The following RPSA2 variants were observed in gnomAD, a reference collection of about 807,000 sequenced individuals.
RPSA2 encodes the protein small ribosomal subunit protein uS2B.
At chr19:23,825,438 A>G in the RPSA2 span, among the ~76,000 whole-genome samples, 4 of 152,166 alleles carry the variant, frequency 2.6e-5, no homozygotes, top group Non-Finnish European at 4.4e-5. Flanking sequence ...TGAATGAGCT[A>G]TACGTCTTTT....
At chr19:23,778,433 C>T in the RPSA2 span, among the ~76,000 whole-genome samples, 2 of 152,088 alleles carry the variant, frequency 1.3e-5, no homozygotes, top group Admixed American at 6.5e-5. Flanking sequence ...AGACTGGTCT[C>T]GAATTCCTGA....
chr19:23,770,085 ATTCT>A, the RPSA2 span, among the ~76,000 whole-genome samples: 1 of 151,998 alleles, frequency 6.6e-6, no homozygotes, highest in African/African-American at 2.4e-5. Context: ...AGGTCATGTG[ATTCT>A]TTCATTTTCC....
At chr19:23,846,269 A>C in the RPSA2 span, among the ~76,000 whole-genome samples, 2 of 152,156 alleles carry the variant, frequency 1.3e-5, no homozygotes, top group South Asian at 4.1e-4. Context: ...TATTCATTTC[A>C]TAAATCTATA....
chr19:23,830,139 C>T, the RPSA2 span, among the ~76,000 whole-genome samples: 55 of 151,660 alleles, frequency 3.6e-4, no homozygotes, highest in Non-Finnish European at 6.6e-4. Context: ...TTCATGACTC[C>T]ATAACATAGT....
the RPSA2 span, among the ~76,000 whole-genome samples, chr19:23,786,406 T>C: frequency 0.98 from 148,918 of 152,252 alleles, 72,923 homozygotes; most frequent in Middle Eastern, 1. Context: ...GATTGTGATT[T>C]ATCACTGGAT....
the RPSA2 span, among the ~76,000 whole-genome samples, chr19:23,820,234 T>A: frequency 2.6e-5 from 4 of 152,218 alleles, no homozygotes; most frequent in Non-Finnish European, 5.9e-5. Flanking sequence ...GCTCATGTGA[T>A]GGCAGTGAGC....
the RPSA2 span, among the ~76,000 whole-genome samples, chr19:23,848,782 T>A: frequency 6.6e-6 from 1 of 152,232 alleles, no homozygotes; most frequent in African/African-American, 2.4e-5. Flanking sequence ...TAATTTTTGA[T>A]TGATGCCTTG....
At chr19:23,770,572 T>C in the RPSA2 span, among the ~76,000 whole-genome samples, 1 of 152,240 alleles carries the variant, frequency 6.6e-6, no homozygotes, top group Non-Finnish European at 1.5e-5. Context: ...GAAATATCTT[T>C]GCATTCATTA....
the RPSA2 span, chr19:23,782,393 G>A: frequency 6.6e-6 from 1 of 152,046 alleles, no homozygotes; most frequent in African/African-American, 2.4e-5. Flanking sequence ...ACATACTGCT[G>A]GGCCTAGCAC....
the RPSA2 span, among the ~76,000 whole-genome samples, chr19:23,868,987 G>A: frequency 2.3e-4 from 35 of 152,262 alleles, no homozygotes; most frequent in African/African-American, 6.3e-4. Context: ...CTACTGGAGC[G>A]TCAAGGCCAG....
chr19:23,847,498 G>A, the RPSA2 span, among the ~76,000 whole-genome samples: 1 of 152,118 alleles, frequency 6.6e-6, no homozygotes, highest in Non-Finnish European at 1.5e-5. Flanking sequence ...AAACCAGCAG[G>A]TTTTTATTAA....
chr19:23,782,985 G>T, the RPSA2 span, among the ~76,000 whole-genome samples: 1 of 152,014 alleles, frequency 6.6e-6, no homozygotes, highest in Non-Finnish European at 1.5e-5. Flanking sequence ...CTACTGCTTG[G>T]GGTGTGCTTA....
At chr19:23,793,004 G>T in the RPSA2 span, among the ~76,000 whole-genome samples, 2 of 152,254 alleles carry the variant, frequency 1.3e-5, no homozygotes, top group Non-Finnish European at 2.9e-5. Flanking sequence ...TTGTATGGTG[G>T]CTCAGACTGA....
chr19:23,761,922 T>TCCTTCCTTCCTTCCTTCC, the RPSA2 span, among the ~76,000 whole-genome samples: 235 of 99,016 alleles, frequency 2.4e-3, 5 homozygotes, highest in Non-Finnish European at 2.5e-3. Context: ...CTTTCTTTCT[T>TCCTTCCTTCCTTCCTTCC]TTTTTTTTTT....
the RPSA2 span, among the ~76,000 whole-genome samples, chr19:23,855,009 A>G: frequency 1.3e-5 from 2 of 152,328 alleles, no homozygotes; most frequent in South Asian, 2.1e-4. Context: ...GCATCTTGTA[A>G]TTTAACCAAA....
At chr19:23,860,934 T>G in the RPSA2 span, among the ~76,000 whole-genome samples, 1 of 152,286 alleles carries the variant, frequency 6.6e-6, no homozygotes, top group South Asian at 2.1e-4. Context: ...CTAGACACAC[T>G]GGTGACCCCA....
the RPSA2 span, among the ~76,000 whole-genome samples, chr19:23,775,812 A>G: frequency 3.9e-5 from 6 of 152,240 alleles, no homozygotes; most frequent in Non-Finnish European, 2.9e-5. Context: ...AATTCATTCT[A>G]AAAATTGTGA....
At chr19:23,849,860 A>G in the RPSA2 span, among the ~76,000 whole-genome samples, 1 of 152,126 alleles carries the variant, frequency 6.6e-6, no homozygotes, top group Non-Finnish European at 1.5e-5. Context: ...CAACATTTTT[A>G]GGACATAGTT....
At chr19:23,856,962 G>A in the RPSA2 span, among the ~76,000 whole-genome samples, 1 of 152,190 alleles carries the variant, frequency 6.6e-6, no homozygotes, top group African/African-American at 2.4e-5. Flanking sequence ...TTTGAGAGCA[G>A]AGAACTGGTC....
Sources: gnomAD v4.1 joint callset for allele counts (sites outside exome capture counted in the v4.1 genomes callset) on GRCh38, gnomAD v4.1.1 for gene constraint, MANE v1.5 for transcripts, NCBI Gene and HGNC (gene_info 2026-07-23, HGNC 2026-07-21) for gene names.